Variants in RNF157 observed in about 807,000 individuals in gnomAD.
RNF157 encodes the protein E3 ubiquitin ligase RNF157.
Under a neutral mutation model 88.3 loss-of-function variants are expected in RNF157, and 55 were observed. The ratio of observed to expected loss-of-function variants is 0.62; its 90% CI spans 0.50 to 0.78. The LOEUF is 0.78. Among genes scored for constraint, RNF157 ranks in the 30% least tolerant of loss-of-function variants. The probability of loss-of-function intolerance (pLI) is 0.00; values close to 1 mark genes in which losing one functional copy is unlikely to be tolerated. For synonymous variants in RNF157, 334 were observed against 341.2 expected, an observed-to-expected ratio of 0.98 and a Z score of 0.23; for missense variants, 788 against 860.8, an observed-to-expected ratio of 0.92 and a Z score of 1.06.
rs932023883 is a variant in RNF157, at chr17:76,161,050, C to G, written c.1065+485G>C. On this transcript the variant is annotated intron_variant, in intron 11 of 18. Coordinates refer to ENST00000269391, the MANE Select transcript of RNF157 (RefSeq NM_052916.3). This position sits in a 1 kb window ranked among gnomAD's most constrained non-coding sequence, Gnocchi z 4.6. Reference sequence around the variant, plus strand: ...TTAGTCTAAAGAAAGACAGTATCTGCTGCTCTCTAACTGCAAAGCTTTGAG... The same window carrying G: ...TTAGTCTAAAGAAAGACAGTATCTGGTGCTCTCTAACTGCAAAGCTTTGAG... 8.5e-5 allele frequency among the ~76,000 whole-genome samples: 13 copies of G among 152,198 alleles called. No individual in the cohort carries two copies. Among genetic ancestry groups the G allele is most frequent in the African/African-American group, 2.7e-4 (11 of 41,446 alleles).
chr17:76,195,518 T>C lies in RNF157; in HGVS notation c.207+16846A>G, dbSNP rs1717432478. Among the ~76,000 whole-genome samples the C allele has an allele frequency of 6.6e-6, 1 of 152,220 alleles. No individual in the cohort carries two copies. Among genetic ancestry groups the C allele is most frequent in the Non-Finnish European group, 1.5e-5 (1 of 68,038 alleles). ...TCTATGACTCAGCAATTCTCCTAGC[T>C]ATAGCCTTAACAGGTATGCATACAT... On this transcript the variant is annotated intron_variant, in intron 2 of 18. Coordinates refer to ENST00000269391, the MANE Select transcript of RNF157 (RefSeq NM_052916.3). The surrounding 1 kb of genome is among the most constrained non-coding windows in gnomAD (Gnocchi z 4.4).
intron 13 of RNF157, 103 bp from the exon 14 acceptor site, chr17:76,156,424 G>C (rs994031377): frequency 6.5e-7 from 1 of 1,543,780 alleles, no homozygotes. Flanking sequence ...GAGGAGGAAA[G>C]GCGACACTGG....
chr17:76,159,202 A>T, intron 12 of RNF157, 133 bp downstream of exon 12: 1 of 740,870 alleles, frequency 1.3e-6, no homozygotes, highest in Non-Finnish European at 2.3e-6. Context: ...GATAACCTTC[A>T]CGCAAGCAGC....
chr17:76,228,785 G>A (rs994439535), intron 1 of RNF157, among the ~76,000 whole-genome samples: 1 of 152,082 alleles, frequency 6.6e-6, no homozygotes, highest in African/African-American at 2.4e-5. Flanking sequence ...GCCGGGCGTG[G>A]TGGTGGGCGC....
At chr17:76,232,298 G>A (rs2070206318) in intron 1 of RNF157, among the ~76,000 whole-genome samples, 1 of 152,062 alleles carries the variant, frequency 6.6e-6, no homozygotes, top group South Asian at 2.1e-4. Context: ...TGAGGCTGGA[G>A]GAGTGCCTGA....
At chr17:76,155,167 C>A in intron 16 of RNF157, 85 bp downstream of exon 16, 1 of 1,205,508 alleles carries the variant, frequency 8.3e-7, no homozygotes, top group South Asian at 1.2e-5. Flanking sequence ...AGCCTCCTGG[C>A]CCTGGTCCTT....
chr17:76,151,533 G>A (rs942061756), intron 18 of RNF157, among the ~76,000 whole-genome samples: 2 of 152,240 alleles, frequency 1.3e-5, no homozygotes, highest in Non-Finnish European at 2.9e-5. Flanking sequence ...ACGATGTGAA[G>A]GACAATTTCT....
intron 2 of RNF157, among the ~76,000 whole-genome samples, chr17:76,186,054 A>G (rs899777223): frequency 2.0e-5 from 3 of 152,148 alleles, no homozygotes; most frequent in Admixed American, 6.5e-5. Context: ...ATATTTTAAA[A>G]CAGAGGCATT....
chr17:76,227,616 G>A (rs1402157543), intron 1 of RNF157, among the ~76,000 whole-genome samples: 3 of 151,896 alleles, frequency 2.0e-5, no homozygotes, highest in East Asian at 2.0e-4. Flanking sequence ...GGTGGCTCAC[G>A]CCTGTAATCC....
chr17:76,154,198 T>A, intron 17 of RNF157, 85 bp downstream of exon 17: 1 of 986,492 alleles, frequency 1.0e-6, no homozygotes, highest in East Asian at 2.4e-5. Flanking sequence ...CACCACGTCA[T>A]ACCGGTACCC....
chr17:76,198,174 T>C (rs1034740392), intron 2 of RNF157, among the ~76,000 whole-genome samples: 1 of 152,170 alleles, frequency 6.6e-6, no homozygotes, highest in Admixed American at 6.5e-5. Context: ...CCAGAGGTGC[T>C]TGGGACCTGG....
At chr17:76,237,335 C>T (rs2070299583) in intron 1 of RNF157, among the ~76,000 whole-genome samples, 1 of 152,210 alleles carries the variant, frequency 6.6e-6, no homozygotes, top group African/African-American at 2.4e-5. Flanking sequence ...GTTCCACCGG[C>T]AGTGCAGGTC....
At position 76,158,490 on chromosome 17, in the gene RNF157, T is replaced by C; in HGVS notation, c.1316A>G (p.Gln439Arg). 6.2e-7 allele frequency: 1 copy of C among 1,612,900 alleles called. No homozygotes were observed. The highest frequency in any genetic ancestry group is 8.5e-7 in the Non-Finnish European group (1 of 1,178,910). ...LKKSLSKSTS[Q>R]NSSVLHEEED... ...CTCTTCATGCAGCACGGAAGAGTTT[T>C]GGGAAGTGGATCTGTAGGAGTCCAG... Residue 439 changes from glutamine (Q) to arginine (R), a missense_variant, in exon 13 of 19, where the codon CAA becomes CGA. By Grantham distance (43) the Gln-to-Arg change is conservative (BLOSUM62 1). Transcript: ENST00000269391.
chr17:76,233,132 G>A (rs1302106401), intron 1 of RNF157, among the ~76,000 whole-genome samples: 2 of 152,128 alleles, frequency 1.3e-5, no homozygotes, highest in East Asian at 3.8e-4. Flanking sequence ...ATGTTAGCCA[G>A]GATGGTCTCG....
At chr17:76,167,535 G>A (rs2068946959) in intron 4 of RNF157, 116 bp downstream of exon 4, 1 of 1,447,350 alleles carries the variant, frequency 6.9e-7, no homozygotes, top group South Asian at 1.3e-5. Context: ...TCCCTATCTG[G>A]GAAGGAAGTG....
chr17:76,187,164 AT>A (rs1326429182), intron 2 of RNF157, among the ~76,000 whole-genome samples: 1 of 151,598 alleles, frequency 6.6e-6, no homozygotes, highest in Non-Finnish European at 1.5e-5. Context: ...AATAACTCTA[AT>A]AGGATTTTCT....
At chr17:76,166,668 A>G (rs1272318460) in intron 5 of RNF157, 141 bp from the exon 6 acceptor site, 12 of 722,918 alleles carry the variant, frequency 1.7e-5, no homozygotes, top group South Asian at 1.3e-4. Flanking sequence ...TAATTACCCA[A>G]GTTTGTTAAC....
In RNF157 at chr17:76,212,456, T is replaced by C. The variant is rs770221560; in HGVS notation, c.115A>G (p.Met39Val). ...SGSYFASHFI[M>V]GGEKFDSTHP... ...GTTGAGTCAAACTTCTCTCCTCCCA[T>C]AATGAAGTGGCTGGCAAAATAGCTT... Residue 39 changes from methionine to valine, a missense_variant, in exon 2 of 19, where the codon ATG becomes GTG. Transcript: ENST00000269391. The C allele has an allele frequency of 1.9e-6, 3 of 1,612,942 alleles. No individual in the cohort carries two copies. Among genetic ancestry groups the C allele is most frequent in the Admixed American group, 1.7e-5 (1 of 59,918 alleles).
At chr17:76,237,847 G>A (rs138805084) in intron 1 of RNF157, among the ~76,000 whole-genome samples, 21,511 of 152,002 alleles carry the variant, frequency 0.14, 2,280 homozygotes, top group African/African-American at 0.29. Context: ...TTGGGAGGCC[G>A]AGGCAGGCGG....
Sources: gnomAD v4.1 joint callset for allele counts (sites outside exome capture counted in the v4.1 genomes callset) on GRCh38, gnomAD v4.1.1 for gene constraint, Gnocchi (gnomAD v3.1) non-coding constraint, MANE v1.5 for transcripts, NCBI Gene and HGNC (gene_info 2026-07-23, HGNC 2026-07-21) for gene names.